TET1: variants seen among roughly 807,000 people sequenced by gnomAD.
The protein encoded by TET1 is methylcytosine dioxygenase TET1.
TET1 carries 13 observed loss-of-function variants against 148.7 expected under a neutral mutation model. That is an observed-to-expected ratio of 0.09 (90% confidence interval 0.06 to 0.14). TET1 has a LOEUF of 0.14. Ranked by LOEUF, TET1 falls within the 10% of genes least tolerant of loss-of-function variation. The probability of loss-of-function intolerance (pLI) is 1.00; values close to 1 mark genes in which losing one functional copy is unlikely to be tolerated. For synonymous variants in TET1, 907 were observed against 937.2 expected, an observed-to-expected ratio of 0.97 and a Z score of 0.59; for missense variants, 2,182 against 2,553.8, an observed-to-expected ratio of 0.85 and a Z score of 3.14.
chr10:68,572,317 C>G lies in TET1; in HGVS notation c.-22C>G, dbSNP rs1476979702. 1 of 1,563,484 alleles carries G rather than the reference C, an allele frequency of 6.4e-7. No individual in the cohort carries two copies. ...AATGACTCTGTTTCCTGCGCCCTTT[C>G]ATTTTTTCCTACTCTGTAGCTATGT... On this transcript the variant is annotated 5_prime_UTR_variant, in exon 2 of 12. Coordinates refer to ENST00000373644, the MANE Select transcript of TET1 (RefSeq NM_030625.3).
At chr10:68,617,397 C>T (rs1473227641) in intron 3 of TET1, among the ~76,000 whole-genome samples, 4 of 151,616 alleles carry the variant, frequency 2.6e-5, no homozygotes, top group Non-Finnish European at 4.4e-5. Flanking sequence ...CAGCCTCAAG[C>T]GATCCTTCTG....
chr10:68,568,217 CTTTTTTTT>C (rs566751115), intron 1 of TET1, among the ~76,000 whole-genome samples: 4 of 93,810 alleles, frequency 4.3e-5, no homozygotes, highest in African/African-American at 1.7e-4. Flanking sequence ...CGCGCCCAGT[CTTTTTTTT>C]TTTTTTTTTT....
chr10:68,562,776 T>A (rs1281010051), intron 1 of TET1, among the ~76,000 whole-genome samples: 1 of 152,110 alleles, frequency 6.6e-6, no homozygotes, highest in African/African-American at 2.4e-5. Flanking sequence ...TCCCATCTGA[T>A]TTGTCTCCCC....
chr10:68,672,511 A>AAAAAC (rs35398085), intron 7 of TET1, among the ~76,000 whole-genome samples: 1 of 130,784 alleles, frequency 7.6e-6, no homozygotes, highest in East Asian at 2.1e-4. Flanking sequence ...AAAAAAAAAA[A>AAAAAC]CACCAAAAAA....
In TET1 at chr10:68,573,006, G is replaced by A; in HGVS notation, c.668G>A (p.Cys223Tyr). ...CCTGGGCCACTGGAAGGGACACGCT[G>A]TGGTGAAGGACTATTCTCTGAAGAG... The part of the protein sequence containing the change: ...ILPGPLEGTR[C>Y]GEGLFSEETL... The change falls in exon 2 of 12, where the codon TGT becomes TAT. Residue 223 changes from cysteine (C) to tyrosine (Y), a missense_variant. Around this residue, in one of 11 missense-constraint regions of TET1, gnomAD observed 665 missense variants for 672.4 expected, o/e 0.99. Transcript: ENST00000373644. The A allele has an allele frequency of 6.2e-7, 1 of 1,614,152 alleles. No homozygotes were observed. Among genetic ancestry groups the A allele is most frequent in the Non-Finnish European group, 8.5e-7 (1 of 1,180,034 alleles).
chr10:68,655,055 T>G (rs569285890), intron 6 of TET1, among the ~76,000 whole-genome samples: 1 of 152,128 alleles, frequency 6.6e-6, no homozygotes. Flanking sequence ...TTTCATCACC[T>G]CAAGAGGTTG....
At chr10:68,566,822 TC>T (rs774874100) in intron 1 of TET1, among the ~76,000 whole-genome samples, 1 of 85,310 alleles carries the variant, frequency 1.2e-5, no homozygotes, top group East Asian at 3.5e-4. Flanking sequence ...TCTCTCTCTC[TC>T]TTTTTTTTTT....
chr10:68,658,466 T>G (rs952449690), intron 6 of TET1, among the ~76,000 whole-genome samples: 21 of 152,038 alleles, frequency 1.4e-4, no homozygotes, highest in African/African-American at 4.6e-4. Context: ...GGAAGAGAGA[T>G]CTATTGCTTC....
At chr10:68,621,585 A>C (rs66899264) in intron 3 of TET1, among the ~76,000 whole-genome samples, 20,531 of 152,088 alleles carry the variant, frequency 0.13, 1,800 homozygotes, top group South Asian at 0.24. Context: ...CATCTCAAAA[A>C]AAATAAATAA....
At chr10:68,576,724 C>G (rs1439886001) in intron 2 of TET1, among the ~76,000 whole-genome samples, 1 of 152,022 alleles carries the variant, frequency 6.6e-6, no homozygotes. Context: ...GTTTCTATTT[C>G]TTTTTTTGTT....
At position 68,573,022 on chromosome 10, in the gene TET1, C is replaced by T; in HGVS notation, c.684C>T (p.Phe228=). Residue 228 remains phenylalanine, a synonymous_variant, in exon 2 of 12, where the codon TTC becomes TTT. Transcript: ENST00000373644. ...GGACACGCTGTGGTGAAGGACTATTCTCTGAAGAGACATTGAATGATACCA... is the reference window on the plus strand; with the variant it reads ...GGACACGCTGTGGTGAAGGACTATTTTCTGAAGAGACATTGAATGATACCA... ...LEGTRCGEGL[F]SEETLNDTSG... 8 of 1,614,154 alleles carry T rather than the reference C, an allele frequency of 5.0e-6. No individual in the cohort carries two copies. Among genetic ancestry groups the T allele is most frequent in the Non-Finnish European group, 6.8e-6 (8 of 1,180,028 alleles).
chr10:68,691,324 C>T lies in TET1; in HGVS notation c.5921C>T (p.Pro1974Leu), dbSNP rs754200525. The T allele has an allele frequency of 1.2e-6, 2 of 1,614,060 alleles. No homozygotes were observed. The highest frequency in any genetic ancestry group is 1.7e-6 in the Non-Finnish European group (2 of 1,180,050). The change falls in exon 12 of 12, where the codon CCC (proline) becomes CTC (leucine). Residue 1974 changes from proline (P) to leucine (L), a missense_variant. By Grantham distance (98) the Pro-to-Leu change is moderately conservative. Transcript: ENST00000373644. The surrounding 1 kb of genome is among the most constrained non-coding windows in gnomAD (Gnocchi z 4.4). Reference protein sequence around the residue: ...SEADEPPSDEPLSDDPLSPAE... With the variant: ...SEADEPPSDELLSDDPLSPAE... ...GCAGATGAGCCTCCATCAGACGAAC[C>T]CCTATCTGATGACCCCCTGTCACCT...
At chr10:68,649,266 C>T (rs2054895525) in intron 4 of TET1, among the ~76,000 whole-genome samples, 2 of 152,196 alleles carry the variant, frequency 1.3e-5, no homozygotes, top group Non-Finnish European at 2.9e-5. Flanking sequence ...CAGAACCTAT[C>T]CTTATAACGA....
intron 2 of TET1, among the ~76,000 whole-genome samples, chr10:68,595,983 T>TACACACACACAC (rs773605594): frequency 4.0e-5 from 2 of 50,406 alleles, no homozygotes; most frequent in African/African-American, 8.0e-5. Context: ...CACACATATA[T>TACACACACACAC]ACACACACAC....
intron 1 of TET1, among the ~76,000 whole-genome samples, chr10:68,563,878 T>C (rs1211912932): frequency 1.3e-5 from 2 of 152,030 alleles, no homozygotes; most frequent in African/African-American, 4.8e-5. Flanking sequence ...GATGGGGTTT[T>C]ACTATATTGG....
intron 6 of TET1, among the ~76,000 whole-genome samples, chr10:68,662,384 T>C (rs936974458): frequency 4.6e-5 from 7 of 152,130 alleles, no homozygotes; most frequent in African/African-American, 1.7e-4. Context: ...ACATCTAAGG[T>C]GAAAGTTGAC....
intron 2 of TET1, among the ~76,000 whole-genome samples, chr10:68,578,527 C>A (rs920100280): frequency 2.0e-5 from 3 of 151,962 alleles, no homozygotes; most frequent in African/African-American, 7.2e-5. Flanking sequence ...CAAAGTGCTG[C>A]GATTACTGCG....
rs535138073 is a variant in TET1, at chr10:68,560,388, G to A, written c.-477G>A. ...CACTGCTGCTCCGGGGGGCTGACCT[G>A]GCGGGGAGTGGCCGCGCAGTCTGCT... On this transcript the variant is annotated 5_prime_UTR_variant, in exon 1 of 12. Coordinates refer to ENST00000373644, the MANE Select transcript of TET1 (RefSeq NM_030625.3). 1.3e-5 allele frequency among the ~76,000 whole-genome samples: 2 copies of A among 152,310 alleles called. No homozygotes were observed. The highest frequency in any genetic ancestry group is 3.9e-4 in the East Asian group (2 of 5,172).
intron 2 of TET1, among the ~76,000 whole-genome samples, chr10:68,593,850 G>A (rs1013260507): frequency 4.0e-5 from 6 of 150,266 alleles, no homozygotes; most frequent in Admixed American, 1.3e-4. Context: ...CTGACCTCAG[G>A]CGATCCACCT....
Sources: allele counts gnomAD v4.1 joint callset (sites outside exome capture counted in the v4.1 genomes callset), GRCh38; gene constraint gnomAD v4.1.1; regional missense constraint gnomAD v4.1.1; non-coding constraint Gnocchi (gnomAD v3.1); transcripts MANE v1.5; gene names NCBI Gene and HGNC (gene_info 2026-07-23, HGNC 2026-07-21).